SUPT3H: variants seen among roughly 807,000 people sequenced by gnomAD.
SUPT3H encodes SPT3 homolog, SAGA and STAGA complex component, also known as transcription initiation protein SPT3 homolog.
A neutral mutation model predicts 44.3 loss-of-function variants in SUPT3H; 44 were observed. The ratio of observed to expected loss-of-function variants is 0.99; its 90% confidence interval spans 0.78 to 1.28. SUPT3H has a LOEUF of 1.28. Ranked by LOEUF, SUPT3H falls within the 50% of genes most tolerant of loss-of-function variation. SUPT3H has a pLI of 0.00. For missense variants in SUPT3H, 380 were observed against 387.1 expected (o/e 0.98, Z 0.15); for synonymous variants, 124 against 125.6 (o/e 0.99, Z 0.09).
intron 3 of SUPT3H, among the ~76,000 whole-genome samples, chr6:45,093,995 T>C (rs747728287): frequency 3.9e-5 from 6 of 152,122 alleles, no homozygotes; most frequent in Non-Finnish European, 2.9e-5. Context: ...CATTTAAAAT[T>C]GGGTATTATC....
intron 2 of SUPT3H, among the ~76,000 whole-genome samples, chr6:45,294,018 A>C (rs1339009707): frequency 1.3e-5 from 2 of 152,138 alleles, no homozygotes; most frequent in Admixed American, 6.6e-5. Context: ...TAAAACCAGG[A>C]AAGGACATAA....
At chr6:44,889,317 T>G (rs1762876585) in intron 10 of SUPT3H, among the ~76,000 whole-genome samples, 1 of 152,204 alleles carries the variant, frequency 6.6e-6, no homozygotes, top group Non-Finnish European at 1.5e-5. Context: ...AAGTCAATCC[T>G]AAGCCAAAAG....
At chr6:45,299,579 T>G (rs1401951019) in intron 2 of SUPT3H, among the ~76,000 whole-genome samples, 6 of 152,072 alleles carry the variant, frequency 3.9e-5, no homozygotes, top group Non-Finnish European at 7.4e-5. Flanking sequence ...ACACAGTCAT[T>G]AAAAATCACA....
intron 2 of SUPT3H, among the ~76,000 whole-genome samples, chr6:45,346,242 C>A (rs1399341494): frequency 6.6e-6 from 1 of 152,102 alleles, no homozygotes; most frequent in Non-Finnish European, 1.5e-5. Context: ...TATAATTCTA[C>A]TAGACAGGTG....
chr6:44,966,278 T>C (rs1279323281), intron 6 of SUPT3H, among the ~76,000 whole-genome samples: 1 of 152,066 alleles, frequency 6.6e-6, no homozygotes, highest in African/African-American at 2.4e-5. Context: ...TAGTAAAACA[T>C]CATGATCAGA....
chr6:44,810,795 A>G (rs765104489), intron 11 of SUPT3H, among the ~76,000 whole-genome samples: 1 of 151,980 alleles, frequency 6.6e-6, no homozygotes, highest in Non-Finnish European at 1.5e-5. Context: ...AGTCCCAGCT[A>G]CTTGGGAGGC....
At chr6:45,336,822 T>C in intron 2 of SUPT3H, among the ~76,000 whole-genome samples, 1 of 151,524 alleles carries the variant, frequency 6.6e-6, no homozygotes, top group South Asian at 2.1e-4. Context: ...TCTACCTCTG[T>C]TTTAAACTTT....
chr6:44,980,825 A>G (rs1028940535), intron 6 of SUPT3H, among the ~76,000 whole-genome samples: 3 of 152,216 alleles, frequency 2.0e-5, no homozygotes, highest in Non-Finnish European at 4.4e-5. Context: ...AAACTTCACT[A>G]GAGTACTTTC....
Position 44,857,975 on chromosome 6 carries a change from T to C in SUPT3H, c.913-28118A>G, listed in dbSNP as rs191434024. 1.1e-3 allele frequency among the ~76,000 whole-genome samples: 166 copies of C among 152,292 alleles called. 1 individual carries two copies. The highest frequency in any genetic ancestry group is 1.9e-3 in the Non-Finnish European group (130 of 68,020). ...TATATTCATGCTGATGAGTCTGTTCTTCCTGGTTACTTTTTCTTGGCTAAC... is the reference window on the plus strand; with the variant it reads ...TATATTCATGCTGATGAGTCTGTTCCTCCTGGTTACTTTTTCTTGGCTAAC... On this transcript the variant is annotated intron_variant, in intron 10 of 10. Coordinates refer to ENST00000371459, the MANE Select transcript of SUPT3H (RefSeq NM_003599.4).
chr6:45,279,484 T>C lies in SUPT3H; in HGVS notation c.101+85717A>G, dbSNP rs77741122. Among the ~76,000 whole-genome samples the C allele has an allele frequency of 8.6e-3, 1,315 of 152,268 alleles. 23 individuals carry two copies. Among genetic ancestry groups the C allele is most frequent in the African/African-American group, 0.03 (1,258 of 41,516 alleles). The stretch of plus-strand genomic sequence containing the variant: ...CATGAGTGGCTTGGTGCTGTCCTCC[T>C]GAGAGTAAGTTCTGCCAAGATCTGA... On this transcript the variant is annotated intron_variant, in intron 2 of 10. Coordinates refer to ENST00000371459, the MANE Select transcript of SUPT3H (RefSeq NM_003599.4).
At position 44,932,742 on chromosome 6, in the gene SUPT3H, C is replaced by T. The variant is rs746933715; in HGVS notation, c.823G>A (p.Glu275Lys). The T allele has an allele frequency of 4.4e-6, 7 of 1,608,906 alleles. No homozygotes were observed. The South Asian group carries it at 5.5e-5, about 13-fold the overall frequency. Residue 275 changes from glutamate to lysine, a missense_variant, in exon 10 of 11, where the codon GAG (glutamate) becomes AAG (lysine). Physicochemically the swap from Glu to Lys is moderately conservative, Grantham distance 56. Transcript: ENST00000371459. ...GGCTGGATGGCATCGCTGTGAGCCT[C>T]AACACCACAGGCTGCAGTGCTCTGC... is the stretch of plus-strand genomic sequence containing the variant. ...SAESTAACGV[E>K]AHSDAIQPCH...
At chr6:45,145,013 A>AATCACCAATGACACAAATAGAAACAC (rs1805813108) in intron 2 of SUPT3H, among the ~76,000 whole-genome samples, 2 of 152,176 alleles carry the variant, frequency 1.3e-5, no homozygotes, top group African/African-American at 4.8e-5. Context: ...TGCTGAAATA[A>AATCACCAATGACACAAATAGAAACAC]ATCACCAATG....
In SUPT3H at chr6:45,012,981, G is replaced by C. The variant is rs530602562; in HGVS notation, c.364+1820C>G. On this transcript the variant is annotated intron_variant, in intron 5 of 10. Coordinates refer to ENST00000371459, the MANE Select transcript of SUPT3H (RefSeq NM_003599.4). ...AGTTTTAGTCAGGGGGTGTTTGGCT[G>C]TTACCTTCCCTGATCTCCCTATTAA... Among the ~76,000 whole-genome samples the C allele has an allele frequency of 6.6e-5, 10 of 152,148 alleles. No individual in the cohort carries two copies. The South Asian group carries it at 2.1e-3, about 32-fold the overall frequency.
chr6:45,099,364 AAATC>A (rs1422487107), intron 3 of SUPT3H: 1 of 152,476 alleles, frequency 6.6e-6, no homozygotes, highest in Non-Finnish European at 1.5e-5. Context: ...AAAAAAAAAA[AAATC>A]ATACTGTAAA....
chr6:45,233,580 C>G (rs1483137414), intron 2 of SUPT3H, among the ~76,000 whole-genome samples: 1 of 152,234 alleles, frequency 6.6e-6, no homozygotes, highest in Non-Finnish European at 1.5e-5. Context: ...ACCACAATAT[C>G]AAGCCCCTAT....
intron 10 of SUPT3H, among the ~76,000 whole-genome samples, chr6:44,884,816 G>T (rs911407541): frequency 1.3e-5 from 2 of 152,204 alleles, no homozygotes; most frequent in African/African-American, 4.8e-5. Context: ...GCGAGGCATT[G>T]CTTCACTTGG....
intron 1 of SUPT3H, among the ~76,000 whole-genome samples, chr6:45,370,041 A>G (rs1383418855): frequency 6.6e-6 from 1 of 152,172 alleles, no homozygotes; most frequent in Non-Finnish European, 1.5e-5. Context: ...ATGTGAAGCT[A>G]TTAGAGAATT....
At chr6:44,966,754 T>C (rs1776835196) in intron 6 of SUPT3H, among the ~76,000 whole-genome samples, 1 of 152,178 alleles carries the variant, frequency 6.6e-6, no homozygotes, top group Admixed American at 6.6e-5. Flanking sequence ...CTATTCCGTA[T>C]AGTCATTAAA....
intron 2 of SUPT3H, among the ~76,000 whole-genome samples, chr6:45,221,043 A>G (rs1205093934): frequency 6.6e-6 from 1 of 152,242 alleles, no homozygotes; most frequent in African/African-American, 2.4e-5. Flanking sequence ...CTATGCAGCC[A>G]TAAAAAATGA....
Sources: gnomAD v4.1 joint callset for allele counts (sites outside exome capture counted in the v4.1 genomes callset) on GRCh38, gnomAD v4.1.1 for gene constraint, MANE v1.5 for transcripts, NCBI Gene and HGNC (gene_info 2026-07-23, HGNC 2026-07-21) for gene names.